Variants in TENM4 observed in about 807,000 individuals in gnomAD.
The protein encoded by TENM4 is teneurin transmembrane protein 4, also known as teneurin-4.
In TENM4, 82 loss-of-function variants were observed where a neutral mutation model predicts 243.3. The ratio of observed to expected loss-of-function variants is 0.34; its 90% CI spans 0.28 to 0.40. The LOEUF (loss-of-function observed/expected upper bound fraction) is 0.40, where lower values mean the gene tolerates loss of function less well. TENM4 is among the 10% of genes least tolerant of loss of function. The pLI is 1.00. For missense variants in TENM4, 3,138 were observed against 3,673.3 expected (o/e 0.85, Z 3.77); for synonymous variants, 1,412 against 1,456.3 (o/e 0.97, Z 0.69).
At chr11:78,879,462 C>T (rs1301345353) in intron 9 of TENM4, among the ~76,000 whole-genome samples, 14 of 109,606 alleles carry the variant, frequency 1.3e-4, no homozygotes, top group Admixed American at 8.5e-4. Context: ...TCTGCCCGGC[C>T]GCCACACCGT....
intron 6 of TENM4, among the ~76,000 whole-genome samples, chr11:78,958,045 T>A (rs1376868593): frequency 6.6e-6 from 1 of 152,248 alleles, no homozygotes; most frequent in African/African-American, 2.4e-5. Context: ...CATGCCCTTA[T>A]GACCAATGAC....
chr11:78,956,821 T>C (rs1474609406), intron 6 of TENM4, among the ~76,000 whole-genome samples: 7 of 152,202 alleles, frequency 4.6e-5, no homozygotes, highest in African/African-American at 1.7e-4. Flanking sequence ...AGTATAAGTA[T>C]TCATGTTTCA....
rs1856865981 is a variant in TENM4, at chr11:78,940,430, C to T, written c.494-36907G>A. ...CACATTAAACAGAGGACCCCCATCCCCACTTAGGAGTGATGATGGTCTGGT... is the reference window on the plus strand; with the variant it reads ...CACATTAAACAGAGGACCCCCATCCTCACTTAGGAGTGATGATGGTCTGGT... On this transcript the variant is annotated intron_variant, in intron 6 of 33. Coordinates refer to ENST00000278550, the MANE Select transcript of TENM4 (RefSeq NM_001098816.3). Among the ~76,000 whole-genome samples, 3 of 152,330 alleles carry T rather than the reference C, an allele frequency of 2.0e-5. No homozygotes were observed. In the South Asian group the frequency reaches 6.2e-4, roughly 32 times the overall value.
At chr11:78,874,599 A>C (rs764248033) in intron 9 of TENM4, among the ~76,000 whole-genome samples, 1 of 152,226 alleles carries the variant, frequency 6.6e-6, no homozygotes, top group Non-Finnish European at 1.5e-5. Flanking sequence ...TTCTAGGTAA[A>C]GAAAAGTGCT....
rs960161948 is a variant in TENM4 at position 78,891,327 on chromosome 11, G to A, written c.759C>T (p.Gly253=). The part of the protein sequence containing the change: ...SNIPLETRNL[G]KQPFLGTLQD... ...GCAATGTCCCTAGGAATGGCTGCTT[G>A]CCTAGGTTTCTACGCACACATGGAG... is the stretch of plus-strand genomic sequence containing the variant. Residue 253 remains glycine (G), a synonymous_variant, in exon 8 of 34, where the codon GGC becomes GGT. Transcript: ENST00000278550. The A allele has an allele frequency of 5.2e-6, 8 of 1,551,384 alleles. No individual in the cohort carries two copies. The highest frequency in any genetic ancestry group is 1.4e-5 in the African/African-American group (1 of 73,060).
intron 1 of TENM4, among the ~76,000 whole-genome samples, chr11:79,339,234 A>G (rs1003279916): frequency 6.6e-6 from 1 of 152,242 alleles, no homozygotes; most frequent in Non-Finnish European, 1.5e-5. Context: ...ACACAAGTGC[A>G]GATGACAGAA....
At chr11:79,126,362 C>T (rs1393445383) in intron 4 of TENM4, among the ~76,000 whole-genome samples, 1 of 152,202 alleles carries the variant, frequency 6.6e-6, no homozygotes, top group East Asian at 1.9e-4. Context: ...AATTGCTCAT[C>T]TCTGTATGTC....
At chr11:78,668,635 A>G (rs2135665425) in intron 32 of TENM4, among the ~76,000 whole-genome samples, 1 of 152,340 alleles carries the variant, frequency 6.6e-6, no homozygotes, top group African/African-American at 2.4e-5. Context: ...TTTGAGAAAT[A>G]GTGGGCAAAT....
intron 1 of TENM4, among the ~76,000 whole-genome samples, chr11:79,331,915 A>T (rs1857067819): frequency 6.6e-6 from 1 of 152,232 alleles, no homozygotes; most frequent in Non-Finnish European, 1.5e-5. Flanking sequence ...CTGAAATCAA[A>T]GTTGTCAAAG....
Position 78,958,855 on chromosome 11 carries a change from G to T in TENM4, c.494-55332C>A, listed in dbSNP as rs532939652. Among the ~76,000 whole-genome samples, 3 of 152,366 alleles carry T rather than the reference G, an allele frequency of 2.0e-5. No individual in the cohort carries two copies. In the East Asian group the frequency reaches 5.8e-4, roughly 29 times the overall value. Reference sequence around the variant, plus strand: ...AGTCCCAGCTGGCCCTAAAGCAACTGCTCTGTTGAGGGTGGTCTCCAAGGT... The same window carrying T: ...AGTCCCAGCTGGCCCTAAAGCAACTTCTCTGTTGAGGGTGGTCTCCAAGGT... On this transcript the variant is annotated intron_variant, in intron 6 of 33. Coordinates refer to ENST00000278550, the MANE Select transcript of TENM4 (RefSeq NM_001098816.3).
At chr11:79,400,161 T>G (rs61882552) in intron 1 of TENM4, among the ~76,000 whole-genome samples, 9,905 of 149,124 alleles carry the variant, frequency 0.066, 410 homozygotes, top group Middle Eastern at 0.12. Context: ...CAGGATTATT[T>G]CTCCAAGTCT....
intron 28 of TENM4, among the ~76,000 whole-genome samples, chr11:78,698,720 A>G (rs73496522): frequency 0.15 from 22,107 of 152,198 alleles, 1,922 homozygotes; most frequent in African/African-American, 0.25. Context: ...TCCTCATAAT[A>G]GCCCAGAAAT....
intron 4 of TENM4, among the ~76,000 whole-genome samples, chr11:79,079,981 C>T (rs1321564037): frequency 2.6e-5 from 1 of 37,972 alleles, no homozygotes; most frequent in Non-Finnish European, 6.5e-5. Flanking sequence ...GGGGACTTTA[C>T]TACCTCAGGG....
intron 6 of TENM4, among the ~76,000 whole-genome samples, chr11:78,998,972 G>T (rs1368011240): frequency 6.6e-6 from 1 of 152,206 alleles, no homozygotes; most frequent in Non-Finnish European, 1.5e-5. Flanking sequence ...AGCCAGACAG[G>T]TTTTAAAAAG....
At chr11:78,940,189 C>G (rs1856861799) in intron 6 of TENM4, among the ~76,000 whole-genome samples, 2 of 152,108 alleles carry the variant, frequency 1.3e-5, no homozygotes, top group Non-Finnish European at 2.9e-5. Context: ...CAGTTTATAT[C>G]CAATCTCCAC....
chr11:78,746,833 G>T (rs1856062832), intron 19 of TENM4, among the ~76,000 whole-genome samples: 1 of 152,198 alleles, frequency 6.6e-6, no homozygotes, highest in African/African-American at 2.4e-5. Context: ...TTCAGGTGAT[G>T]GTTTGTGCTG....
intron 4 of TENM4, among the ~76,000 whole-genome samples, chr11:79,110,280 TAAC>T (rs1861474994): frequency 6.6e-6 from 1 of 152,162 alleles, no homozygotes; most frequent in Admixed American, 6.5e-5. Context: ...GCCCAACCCT[TAAC>T]AGCTCACAGC....
intron 2 of TENM4, among the ~76,000 whole-genome samples, chr11:79,274,260 CA>C (rs1310549794): frequency 1.3e-5 from 2 of 152,246 alleles, no homozygotes; most frequent in African/African-American, 2.4e-5. Context: ...TATTGGCGAC[CA>C]AATTTGCTCA....
At chr11:79,427,408 G>T (rs1160732478) in intron 1 of TENM4, among the ~76,000 whole-genome samples, 1 of 152,136 alleles carries the variant, frequency 6.6e-6, no homozygotes, top group Non-Finnish European at 1.5e-5. Context: ...CCTTATGAGG[G>T]AATACTACAT....
Sources: allele counts gnomAD v4.1 joint callset (sites outside exome capture counted in the v4.1 genomes callset), GRCh38; gene constraint gnomAD v4.1.1; transcripts MANE v1.5; gene names NCBI Gene and HGNC (gene_info 2026-07-23, HGNC 2026-07-21).